Variants in ZNF273 observed in about 807,000 individuals in gnomAD.
ZNF273 encodes zinc finger protein 9.
In ZNF273, 11 loss-of-function variants were observed where a neutral mutation model predicts 14.9. That is an observed-to-expected ratio of 0.74 (90% CI 0.46 to 1.22). The LOEUF (loss-of-function observed/expected upper bound fraction) is 1.22. ZNF273 is among the 50% of genes most tolerant of loss of function. The pLI is 0.00. For synonymous variants in ZNF273, 199 were observed against 223.9 expected (o/e 0.89, Z 0.99); for missense variants, 577 against 660.6 (o/e 0.87, Z 1.39).
chr7:64,881,781 C>T (rs1054717386), downstream of ZNF273, among the ~76,000 whole-genome samples: 38 of 152,098 alleles, frequency 2.5e-4, no homozygotes, highest in African/African-American at 9.2e-4. Context: ...GCTCTTGGGT[C>T]CTCTGGCAAG....
Position 64,930,361 on chromosome 7 carries a change from A to G in ZNF273, c.*1323A>G, listed in dbSNP as rs1353529358. 1 of 152,202 alleles carries G rather than the reference A, an allele frequency of 6.6e-6. No homozygotes were observed. The highest frequency in any genetic ancestry group is 1.5e-5 in the Non-Finnish European group (1 of 68,034). The allele number at this position is 152,202 out of a possible 1,614,324, so 9.4% of individuals were successfully genotyped here. On this transcript the variant is annotated 3_prime_UTR_variant, in exon 4 of 4. Coordinates refer to ENST00000476120, the MANE Select transcript of ZNF273 (RefSeq NM_021148.3). ...CTCTTGTGGTTAACTGATAATATTG[A>G]GTGATGCATGAGGTAGGTGTTCAGA...
At chr7:64,884,773 A>T (rs1791479725) in intron 1 of ZNF273, among the ~76,000 whole-genome samples, 1 of 152,246 alleles carries the variant, frequency 6.6e-6, no homozygotes, top group Non-Finnish European at 1.5e-5. Context: ...TCCAAAGAGA[A>T]GTTCCCAGCG....
downstream of ZNF273, among the ~76,000 whole-genome samples, chr7:64,890,516 CAG>C (rs770287288): frequency 6.6e-6 from 1 of 152,146 alleles, no homozygotes; most frequent in African/African-American, 2.4e-5. Context: ...CTTCCCAACA[CAG>C]GGACATAGAA....
Position 64,930,338 on chromosome 7 carries a change from C to G in ZNF273, c.*1300C>G, listed in dbSNP as rs1050763531. 2.0e-5 allele frequency: 3 copies of G among 151,954 alleles called. No homozygotes were observed. The highest frequency in any genetic ancestry group is 4.4e-5 in the Non-Finnish European group (3 of 68,012). 9.4% of individuals were successfully genotyped at this position (151,954 alleles called of 1,614,324 possible). On this transcript the variant is annotated 3_prime_UTR_variant, in exon 4 of 4. Transcript: ENST00000476120. The stretch of plus-strand genomic sequence containing the variant: ...TGATGAAAATCTAAGTAGAGAGGCT[C>G]TTGTGGTTAACTGATAATATTGAGT...
intron 1 of ZNF273, among the ~76,000 whole-genome samples, chr7:64,907,082 G>A (rs1468859568): frequency 1.3e-5 from 2 of 152,226 alleles, no homozygotes; most frequent in Non-Finnish European, 2.9e-5. Context: ...TTCTGAGCCT[G>A]TGGGAAGAAG....
At chr7:64,903,970 A>G (rs1481261246) in intron 1 of ZNF273, among the ~76,000 whole-genome samples, 1 of 152,218 alleles carries the variant, frequency 6.6e-6, no homozygotes, top group African/African-American at 2.4e-5. Flanking sequence ...CTTAATTTGT[A>G]AATTCAGGGT....
chr7:64,914,193 T>G (rs913061688), intron 1 of ZNF273, among the ~76,000 whole-genome samples: 15 of 129,742 alleles, frequency 1.2e-4, no homozygotes, highest in South Asian at 2.6e-4. Flanking sequence ...TTTTTTTTTT[T>G]TTTTTTTTTT....
chr7:64,932,856 G>A (rs937562702), downstream of ZNF273, among the ~76,000 whole-genome samples: 5 of 152,038 alleles, frequency 3.3e-5, no homozygotes, highest in Non-Finnish European at 7.4e-5. Flanking sequence ...CGGGAGTAAC[G>A]TTTTCACACA....
upstream of ZNF273, among the ~76,000 whole-genome samples, chr7:64,903,024 AGGTTAAATGCAAATACCCCGTG>A (rs1792827291): frequency 6.6e-6 from 1 of 152,210 alleles, no homozygotes; most frequent in African/African-American, 2.4e-5. Context: ...CTTATACACA[AGGTTAAATGCAAATACCCCGTG>A]GGTGGGCCGG....
downstream of ZNF273, chr7:64,880,265 A>T (rs1170181314): frequency 6.6e-6 from 1 of 152,212 alleles, no homozygotes; most frequent in Non-Finnish European, 1.5e-5. Flanking sequence ...ACATCGCGAA[A>T]TCCCTAAGAA....
Position 64,928,830 on chromosome 7 carries a change from T to C in ZNF273, c.1502T>C (p.Leu501Pro). The C allele has an allele frequency of 6.2e-7, 1 of 1,613,824 alleles. No homozygotes were observed. Residue 501 changes from leucine to proline, a missense_variant, in exon 4 of 4, where the codon CTT becomes CCT. Physicochemically the swap from Leu to Pro is moderately conservative, Grantham distance 98 (BLOSUM62 -3). This residue lies in a region of ZNF273 where 411 missense variants were observed against 440.4 expected (regional missense o/e 0.93). Transcript: ENST00000476120. The part of the protein sequence containing the change: ...CGKAFNWSST[L>P]TKHKRIHTGE... ...AAAGCCTTTAACTGGTCCTCAACTC[T>C]TACTAAACATAAGAGAATTCATACT...
At chr7:64,904,981 T>C (rs1453858580) in intron 1 of ZNF273, among the ~76,000 whole-genome samples, 2 of 152,158 alleles carry the variant, frequency 1.3e-5, no homozygotes, top group Admixed American at 6.5e-5. Flanking sequence ...AATCGCTATG[T>C]CTGCTACAAT....
At chr7:64,878,372 T>C (rs1046747013) in intron 1 of ZNF273, 2 of 152,296 alleles carry the variant, frequency 1.3e-5, no homozygotes, top group African/African-American at 4.8e-5. Flanking sequence ...ATAGGAGTCC[T>C]GTCCGCAGGG....
In ZNF273 at chr7:64,930,422, T is replaced by C. The variant is rs1418686210; in HGVS notation, c.*1384T>C. ...GCATTATAGTGAAAAATTTTTAATA[T>C]TAAAATTCAATTATATCATTTTATG... On this transcript the variant is annotated 3_prime_UTR_variant, in exon 4 of 4. Coordinates refer to ENST00000476120, the MANE Select transcript of ZNF273 (RefSeq NM_021148.3). 6.6e-6 allele frequency: 1 copy of C among 152,160 alleles called. No individual in the cohort carries two copies. Among genetic ancestry groups the C allele is most frequent in the Non-Finnish European group, 1.5e-5 (1 of 68,024 alleles). The allele number at this position is 152,160 out of a possible 1,614,324, so 9.4% of individuals were successfully genotyped here. A position where few individuals can be genotyped will look rare whatever the true frequency, so the allele number is the denominator to read the frequency against.
chr7:64,921,671 G>A (rs1794474779), intron 3 of ZNF273, among the ~76,000 whole-genome samples: 1 of 123,448 alleles, frequency 8.1e-6, no homozygotes, highest in Admixed American at 1.0e-4. Context: ...TCTTGCCCAG[G>A]CTGGAGTACA....
downstream of ZNF273, among the ~76,000 whole-genome samples, chr7:64,932,269 G>C (rs1347853624): frequency 6.6e-6 from 1 of 151,328 alleles, no homozygotes; most frequent in African/African-American, 2.4e-5. Context: ...ACAAAGTGTG[G>C]CAAATATAAA....
Position 64,917,715 on chromosome 7 carries a change from TA to T in ZNF273, c.229+10del, listed in dbSNP as rs1328411894. On this transcript the variant is annotated intron_variant, in intron 2 of 3. Transcript: ENST00000476120. The stretch of plus-strand genomic sequence containing the variant: ...GAAACCTGGTCTTCCTGGGTGAGGA[TA>T]ATTTTAATACATAATTTAAAGGTTT... 3.2e-6 allele frequency: 5 copies of T among 1,578,240 alleles called. No individual in the cohort carries two copies. The highest frequency in any genetic ancestry group is 4.3e-6 in the Non-Finnish European group (5 of 1,161,724).
intron 3 of ZNF273, among the ~76,000 whole-genome samples, chr7:64,920,375 T>C (rs1424474891): frequency 6.6e-6 from 1 of 152,116 alleles, no homozygotes; most frequent in African/African-American, 2.4e-5. Flanking sequence ...CCCAGGTCAC[T>C]GTGTGGATTT....
At chr7:64,913,429 A>G (rs933767648) in intron 1 of ZNF273, among the ~76,000 whole-genome samples, 7 of 152,208 alleles carry the variant, frequency 4.6e-5, no homozygotes, top group African/African-American at 1.7e-4. Context: ...ATTTCCAGCG[A>G]AGCGCTGTGT....
Sources: allele counts gnomAD v4.1 joint callset (sites outside exome capture counted in the v4.1 genomes callset), GRCh38; gene constraint gnomAD v4.1.1; regional missense constraint gnomAD v4.1.1; transcripts MANE v1.5; gene names NCBI Gene and HGNC (gene_info 2026-07-23, HGNC 2026-07-21).